Variants in SNX18 observed in about 807,000 individuals in gnomAD.
The protein encoded by SNX18 is sorting nexin-18.
In SNX18, 35 loss-of-function variants were observed where a neutral mutation model predicts 48.7. That is an observed-to-expected ratio of 0.72 (90% CI 0.55 to 0.95). SNX18 has a LOEUF of 0.95. Ranked by LOEUF, SNX18 falls within the 40% of genes least tolerant of loss-of-function variation. SNX18 has a pLI of 0.00. For synonymous variants in SNX18, 492 were observed against 384.7 expected, an observed-to-expected ratio of 1.28 and a Z score of -3.26; for missense variants, 824 against 871.0, an observed-to-expected ratio of 0.95 and a Z score of 0.68.
At chr5:54,647,618 C>A in the SNX18 span, among the ~76,000 whole-genome samples, 1 of 152,092 alleles carries the variant, frequency 6.6e-6, no homozygotes. Context: ...ACCCTGTATT[C>A]CAATCCAAGA....
the SNX18 span, among the ~76,000 whole-genome samples, chr5:54,580,085 ATGTG>A: frequency 1.3e-5 from 2 of 151,362 alleles, no homozygotes; most frequent in African/African-American, 4.9e-5. Context: ...GTGTGTGTGC[ATGTG>A]TGTGTGTGTC....
the SNX18 span, among the ~76,000 whole-genome samples, chr5:54,580,485 T>C: frequency 6.6e-6 from 1 of 152,228 alleles, no homozygotes; most frequent in East Asian, 1.9e-4. Context: ...GTTCTAGCCC[T>C]AAGTTACTTT....
At chr5:54,547,365 A>T (rs998679422), downstream of SNX18, among the ~76,000 whole-genome samples, 4 of 152,316 alleles carry the variant, frequency 2.6e-5, no homozygotes, top group East Asian at 7.7e-4. Flanking sequence ...TTTGACCAAG[A>T]TCACACAAAC....
At position 54,543,212 on chromosome 5, in the gene SNX18, A is replaced by G. The variant is rs1369809126; in HGVS notation, c.1655A>G (p.His552Arg). The G allele has an allele frequency of 6.2e-7, 1 of 1,614,014 alleles. No homozygotes were observed. Residue 552 changes from histidine (H) to arginine (R), a missense_variant, in exon 2 of 2, where the codon CAC (histidine) becomes CGC (arginine). His to Arg is a conservative substitution (Grantham distance 29, BLOSUM62 0). Around this residue, in one of 3 missense-constraint regions of SNX18, gnomAD observed 443 missense variants for 503.6 expected, o/e 0.88. Coordinates refer to ENST00000381410, the MANE Select transcript of SNX18 (RefSeq NM_001102575.2). ...ACCAAAGTCAAGGAGAGTAGGCGAC[A>G]CGTGGAGGAAGGGAAGATGGAGGTG... ...ALTKVKESRR[H>R]VEEGKMEVQK...
the SNX18 span, among the ~76,000 whole-genome samples, chr5:54,608,946 C>T: frequency 6.6e-6 from 1 of 152,196 alleles, no homozygotes. Context: ...CACTGTTTTC[C>T]ACTAAAGCAC....
the SNX18 span, among the ~76,000 whole-genome samples, chr5:54,596,993 T>A: frequency 1.3e-5 from 2 of 152,114 alleles, no homozygotes; most frequent in African/African-American, 4.8e-5. Flanking sequence ...CAGCGGTGTG[T>A]TATATTCAAG....
chr5:54,622,877 T>C, the SNX18 span, among the ~76,000 whole-genome samples: 145 of 152,250 alleles, frequency 9.5e-4, 1 homozygote, highest in African/African-American at 3.3e-3. Flanking sequence ...GGTGGTTTGA[T>C]TTCAGACTCT....
the SNX18 span, among the ~76,000 whole-genome samples, chr5:54,617,279 G>GCAGAA: frequency 4.6e-5 from 7 of 152,174 alleles, no homozygotes; most frequent in African/African-American, 7.2e-5. Context: ...TAAAAGCATA[G>GCAGAA]CAGAACAGAA....
the SNX18 span, among the ~76,000 whole-genome samples, chr5:54,551,972 A>G: frequency 6.6e-6 from 1 of 152,204 alleles, no homozygotes; most frequent in African/African-American, 2.4e-5. Flanking sequence ...TGTTGGCATC[A>G]CCAGCACCAG....
chr5:54,642,262 C>T, the SNX18 span, among the ~76,000 whole-genome samples: 96 of 152,142 alleles, frequency 6.3e-4, no homozygotes, highest in African/African-American at 2.2e-3. Context: ...TCCCAGAGTT[C>T]GATTTACAAA....
the SNX18 span, among the ~76,000 whole-genome samples, chr5:54,562,695 C>T: frequency 4.6e-5 from 7 of 152,116 alleles, no homozygotes; most frequent in African/African-American, 9.7e-5. Flanking sequence ...CTATGTTTAC[C>T]GGTTTATGTA....
chr5:54,556,319 C>T, the SNX18 span, among the ~76,000 whole-genome samples: 2 of 152,112 alleles, frequency 1.3e-5, no homozygotes, highest in Non-Finnish European at 2.9e-5. Flanking sequence ...AGGCATCGGC[C>T]GGGCTGCATT....
the SNX18 span, among the ~76,000 whole-genome samples, chr5:54,572,726 TTGTGTGTGTGTG>T: frequency 7.8e-5 from 3 of 38,664 alleles, no homozygotes; most frequent in Admixed American, 3.9e-4. Flanking sequence ...CTCCTCCAAA[TTGTGTGTGTGTG>T]TGTGTGTGTG....
chr5:54,602,330 G>T, the SNX18 span, among the ~76,000 whole-genome samples: 1 of 152,212 alleles, frequency 6.6e-6, no homozygotes, highest in Non-Finnish European at 1.5e-5. Flanking sequence ...TGGCCAGGAG[G>T]ATAGGTAGGT....
chr5:54,589,668 C>T, the SNX18 span, among the ~76,000 whole-genome samples: 4 of 152,184 alleles, frequency 2.6e-5, no homozygotes, highest in South Asian at 2.1e-4. Flanking sequence ...GAAGAGAAGT[C>T]GTTTCCTTCC....
At chr5:54,548,715 T>C (rs1195981912), downstream of SNX18, among the ~76,000 whole-genome samples, 2 of 152,224 alleles carry the variant, frequency 1.3e-5, no homozygotes, top group Non-Finnish European at 2.9e-5. Flanking sequence ...TAGAAGTAGA[T>C]ACTTAATAAA....
the SNX18 span, among the ~76,000 whole-genome samples, chr5:54,565,099 T>A: frequency 4.6e-5 from 7 of 152,144 alleles, no homozygotes; most frequent in Non-Finnish European, 8.8e-5. Context: ...AGGACCCAAT[T>A]TGGGTCTACC....
chr5:54,590,881 C>T, the SNX18 span, among the ~76,000 whole-genome samples: 4 of 152,214 alleles, frequency 2.6e-5, no homozygotes, highest in Admixed American at 6.5e-5. Context: ...TCCTGCCTGA[C>T]GCTCGCCACT....
the SNX18 span, among the ~76,000 whole-genome samples, chr5:54,632,352 C>G: frequency 1.3e-5 from 2 of 152,184 alleles, no homozygotes; most frequent in Non-Finnish European, 2.9e-5. Flanking sequence ...AGATAACTGG[C>G]TCTTTCTGAA....
Sources: gnomAD v4.1 joint callset for allele counts (sites outside exome capture counted in the v4.1 genomes callset) on GRCh38, gnomAD v4.1.1 for gene constraint, gnomAD v4.1.1 regional missense constraint, MANE v1.5 for transcripts, NCBI Gene and HGNC (gene_info 2026-07-23, HGNC 2026-07-21) for gene names.